Variants in ADCY3 observed in about 807,000 individuals in gnomAD.
ADCY3 encodes adenylate cyclase type 3.
ADCY3 carries 70 observed loss-of-function variants against 119.4 expected under a neutral mutation model. The ratio of observed to expected loss-of-function variants is 0.59; its 90% CI spans 0.48 to 0.72. The LOEUF (loss-of-function observed/expected upper bound fraction) is 0.72. ADCY3 is among the 30% of genes least tolerant of loss of function. The pLI, the probability that ADCY3 is intolerant of heterozygous loss-of-function variation, is 0.00. For missense variants in ADCY3, 1,238 were observed against 1,541.6 expected, an observed-to-expected ratio of 0.80 and a Z score of 3.30; for synonymous variants, 672 against 621.4, an observed-to-expected ratio of 1.08 and a Z score of -1.21.
At chr2:24,827,794 C>A in intron 14 of ADCY3, 108 bp downstream of exon 14, 1 of 1,528,284 alleles carries the variant, frequency 6.5e-7, no homozygotes. Context: ...CCTTTGAGGA[C>A]CCCTAGTGGC....
intron 3 of ADCY3, among the ~76,000 whole-genome samples, chr2:24,865,899 C>T (rs927396478): frequency 2.6e-5 from 4 of 151,940 alleles, no homozygotes; most frequent in East Asian, 3.9e-4. Flanking sequence ...CGACCAGGGT[C>T]GAGAGGCTGG....
chr2:24,865,921 T>C (rs1674230188), intron 3 of ADCY3, among the ~76,000 whole-genome samples: 1 of 151,966 alleles, frequency 6.6e-6, no homozygotes, highest in Non-Finnish European at 1.5e-5. Flanking sequence ...GAGAGAGCAA[T>C]GATGAGGGCT....
At chr2:24,833,949 G>C (rs1669948694) in intron 11 of ADCY3, among the ~76,000 whole-genome samples, 1 of 152,144 alleles carries the variant, frequency 6.6e-6, no homozygotes, top group Admixed American at 6.5e-5. Flanking sequence ...GATTGGCCGA[G>C]GGGAGAAAGG....
chr2:24,822,712 AAGGACC>A, intron 18 of ADCY3, 82 bp from the exon 19 acceptor site: 1 of 1,561,078 alleles, frequency 6.4e-7, no homozygotes, highest in Admixed American at 1.7e-5. Context: ...ACCTGTTTAC[AAGGACC>A]CCACTAAACC....
rs888693391 is a variant in ADCY3, at chr2:24,819,655, C to T, written c.*277G>A. 2.9e-6 allele frequency: 1 copy of T among 341,364 alleles called. No homozygotes were observed. Among genetic ancestry groups the T allele is most frequent in the Non-Finnish European group, 5.3e-6 (1 of 187,500 alleles). The allele number at this position is 341,364 out of a possible 1,614,324, so 21.1% of individuals were successfully genotyped here. A position where few individuals can be genotyped will look rare whatever the true frequency, so the allele number is the denominator to read the frequency against. On this transcript the variant is annotated 3_prime_UTR_variant, in exon 22 of 22. Coordinates refer to ENST00000679454, the MANE Select transcript of ADCY3 (RefSeq NM_004036.5). The stretch of plus-strand genomic sequence containing the variant: ...ACCCTCCTGCTCACAGTGGTCAGGG[C>T]CCCTCAGGGGCAAGGACGGCAGGGA...
At chr2:24,825,789 C>T (rs1192486034) in intron 16 of ADCY3, 5 of 527,556 alleles carry the variant, frequency 9.5e-6, no homozygotes, top group Non-Finnish European at 1.7e-5. Flanking sequence ...TTCACTCTAT[C>T]CCCTCCCACC....
intron 2 of ADCY3, among the ~76,000 whole-genome samples, chr2:24,911,131 T>A (rs13035239): frequency 0.32 from 48,479 of 150,372 alleles, 7,882 homozygotes; most frequent in South Asian, 0.38. Context: ...CCCAAATTGC[T>A]CCTTCTAATG....
At chr2:24,820,552 TC>T (rs1667467068) in intron 21 of ADCY3, 171 bp downstream of exon 21, 2 of 1,414,114 alleles carry the variant, frequency 1.4e-6, no homozygotes, top group African/African-American at 1.4e-5. Flanking sequence ...AAGTGTTTCT[TC>T]CTGTGCTGAG....
chr2:24,824,966 A>G (rs1417057575), intron 16 of ADCY3, among the ~76,000 whole-genome samples: 1 of 152,214 alleles, frequency 6.6e-6, no homozygotes, highest in African/African-American at 2.4e-5. Flanking sequence ...CTAAATGGCA[A>G]GGGAAGTAAG....
chr2:24,902,032 C>CTGTG (rs1491497508), intron 2 of ADCY3, among the ~76,000 whole-genome samples: 2 of 122,836 alleles, frequency 1.6e-5, no homozygotes, highest in Non-Finnish European at 3.3e-5. Flanking sequence ...CACATTTTAA[C>CTGTG]TCTGTGTGTG....
intron 3 of ADCY3, among the ~76,000 whole-genome samples, chr2:24,871,024 T>C (rs1278356841): frequency 1.3e-5 from 2 of 152,058 alleles, no homozygotes; most frequent in African/African-American, 4.8e-5. Context: ...AGTTAAGATG[T>C]CCTAGATTGT....
intron 3 of ADCY3, among the ~76,000 whole-genome samples, chr2:24,857,568 C>G (rs1673157787): frequency 6.6e-6 from 1 of 152,200 alleles, no homozygotes; most frequent in South Asian, 2.1e-4. Context: ...ATTTAAATAG[C>G]TACATATGAC....
At chr2:24,839,480 G>A (rs1364238775) in intron 7 of ADCY3, among the ~76,000 whole-genome samples, 2 of 152,208 alleles carry the variant, frequency 1.3e-5, no homozygotes, top group Admixed American at 6.5e-5. Flanking sequence ...CCTGCAAAAC[G>A]CTGCCTGCGA....
chr2:24,905,269 G>C (rs1679337330), intron 2 of ADCY3, among the ~76,000 whole-genome samples: 1 of 152,000 alleles, frequency 6.6e-6, no homozygotes, highest in South Asian at 2.1e-4. Flanking sequence ...GAGTAGCTGG[G>C]ACTACAGGCA....
Position 24,819,866 on chromosome 2 carries a change from G to C in ADCY3, c.*66C>G, listed in dbSNP as rs1667279373. On this transcript the variant is annotated 3_prime_UTR_variant, in exon 22 of 22. Transcript: ENST00000679454. ...GTGCACTTCAATCCAGGAAGGTCGGGACTTCCTTCAGTTTCAAAAAATAAA... is the reference window on the plus strand; with the variant it reads ...GTGCACTTCAATCCAGGAAGGTCGGCACTTCCTTCAGTTTCAAAAAATAAA... 2.6e-6 allele frequency: 4 copies of C among 1,529,380 alleles called. No individual in the cohort carries two copies. The East Asian group carries it at 9.2e-5, about 35-fold the overall frequency. 94.7% of individuals were successfully genotyped at this position (1,529,380 alleles called of 1,614,324 possible). A position where few individuals can be genotyped will look rare whatever the true frequency, so the allele number is the denominator to read the frequency against.
chr2:24,880,503 T>A (rs1415124893), intron 2 of ADCY3, among the ~76,000 whole-genome samples: 5 of 152,376 alleles, frequency 3.3e-5, no homozygotes, highest in African/African-American at 1.2e-4. Context: ...CTCTGCTGCC[T>A]GTGGAGGTCC....
intron 2 of ADCY3, among the ~76,000 whole-genome samples, chr2:24,907,355 G>A (rs932937045): frequency 6.6e-6 from 1 of 152,140 alleles, no homozygotes; most frequent in African/African-American, 2.4e-5. Flanking sequence ...TGGAAATCTT[G>A]CGAAAGTTCA....
chr2:24,837,126 G>A, intron 8 of ADCY3, 81 bp from the exon 9 acceptor site: 6 of 1,480,794 alleles, frequency 4.1e-6, no homozygotes, highest in Non-Finnish European at 5.5e-6. Context: ...CAAGGGCGTG[G>A]GAGGCGGTGG....
At chr2:24,857,122 A>G (rs952765086) in intron 3 of ADCY3, among the ~76,000 whole-genome samples, 2 of 152,246 alleles carry the variant, frequency 1.3e-5, no homozygotes, top group African/African-American at 4.8e-5. Flanking sequence ...ACCCAGGGTC[A>G]GCCCAGAGCT....
Sources: gnomAD v4.1 joint callset for allele counts (sites outside exome capture counted in the v4.1 genomes callset) on GRCh38, gnomAD v4.1.1 for gene constraint, MANE v1.5 for transcripts, NCBI Gene and HGNC (gene_info 2026-07-23, HGNC 2026-07-21) for gene names.